STK32C: variants seen among roughly 807,000 people sequenced by gnomAD.
STK32C encodes the protein serine/threonine-protein kinase 32C.
In STK32C, 31 loss-of-function variants were observed where a neutral mutation model predicts 56.5. The observed-to-expected ratio is 0.55, with a 90% CI of 0.41 to 0.74. The LOEUF (loss-of-function observed/expected upper bound fraction) is 0.74, where lower values mean the gene tolerates loss of function less well. STK32C is among the 30% of genes least tolerant of loss of function. STK32C has a pLI of 0.00. For synonymous variants in STK32C, 309 were observed against 289.4 expected (o/e 1.07, Z -0.69); for missense variants, 544 against 676.9 (o/e 0.80, Z 2.18).
intron 1 of STK32C, among the ~76,000 whole-genome samples, chr10:132,268,299 GTC>G (rs57944395): frequency 0.51 from 63,311 of 124,334 alleles, 17,909 homozygotes; most frequent in African/African-American, 0.68. Context: ...GTGCATGCAT[GTC>G]TCTCACATTG....
At chr10:132,241,127 A>G (rs1048853515) in intron 2 of STK32C, among the ~76,000 whole-genome samples, 1 of 152,318 alleles carries the variant, frequency 6.6e-6, no homozygotes, top group South Asian at 2.1e-4. Context: ...TCCCAGGAGC[A>G]CCAGCCACAG....
At chr10:132,234,873 G>A (rs1302052737) in intron 2 of STK32C, among the ~76,000 whole-genome samples, 2 of 152,230 alleles carry the variant, frequency 1.3e-5, no homozygotes, top group Admixed American at 6.5e-5. Context: ...TATGCCCACC[G>A]GGGCAGGTGG....
upstream of STK32C, among the ~76,000 whole-genome samples, chr10:132,310,906 G>A (rs1247467810): frequency 6.6e-6 from 1 of 152,160 alleles, no homozygotes; most frequent in Non-Finnish European, 1.5e-5. The surrounding 1 kb of genome is among the most constrained non-coding windows in gnomAD (Gnocchi z 4.6). Context: ...AGGTGTCCGG[G>A]TTCCAACAGC....
chr10:132,249,267 C>T (rs1278222376), intron 1 of STK32C, among the ~76,000 whole-genome samples: 1 of 152,066 alleles, frequency 6.6e-6, no homozygotes, highest in Non-Finnish European at 1.5e-5. Context: ...GGGCATGCGG[C>T]CCCCACTCTG....
At chr10:132,302,235 G>A (rs78143171) in intron 1 of STK32C, among the ~76,000 whole-genome samples, 4 of 152,324 alleles carry the variant, frequency 2.6e-5, no homozygotes, top group South Asian at 4.1e-4. Flanking sequence ...AGGCATCCTC[G>A]CATTACTTCT....
At chr10:132,254,206 G>A (rs1201973167) in intron 1 of STK32C, among the ~76,000 whole-genome samples, 1 of 152,078 alleles carries the variant, frequency 6.6e-6, no homozygotes, top group African/African-American at 2.4e-5. Flanking sequence ...CTACTCAGGA[G>A]GCTGAGGCAG....
chr10:132,223,181 T>C (rs953205688), intron 8 of STK32C, among the ~76,000 whole-genome samples, 195 bp from the exon 9 acceptor site: 3 of 152,350 alleles, frequency 2.0e-5, no homozygotes, highest in Non-Finnish European at 4.4e-5. Context: ...TGGCTCAGCA[T>C]GTGGCCCAAG....
At chr10:132,301,968 G>A (rs935831667) in intron 1 of STK32C, among the ~76,000 whole-genome samples, 2 of 152,182 alleles carry the variant, frequency 1.3e-5, no homozygotes, top group African/African-American at 4.8e-5. Context: ...AAGTATGTCC[G>A]CGGGCCAGCA....
chr10:132,282,371 AG>A lies in STK32C; in HGVS notation c.262+25200del, dbSNP rs571022650. Among the ~76,000 whole-genome samples the A allele has an allele frequency of 9.2e-5, 14 of 152,324 alleles. No individual in the cohort carries two copies. The South Asian group carries it at 2.3e-3, about 25-fold the overall frequency. ...AGACAGCTCCTGGGTGGTTTCCTGC[AG>A]TTTTCTGGTGGCTGATGAAGAGGGC... On this transcript the variant is annotated intron_variant, in intron 1 of 11. Transcript: ENST00000298630.
At chr10:132,268,877 G>A (rs1423062912) in intron 1 of STK32C, among the ~76,000 whole-genome samples, 11 of 149,382 alleles carry the variant, frequency 7.4e-5, no homozygotes, top group East Asian at 2.0e-4. Context: ...GTCCCACATC[G>A]TGTGTATGTG....
chr10:132,215,775 C>T (rs1048123984), intron 10 of STK32C, among the ~76,000 whole-genome samples: 4 of 152,172 alleles, frequency 2.6e-5, no homozygotes, highest in Non-Finnish European at 4.4e-5. Context: ...TAGGCAGAGG[C>T]TGGAACCATC....
chr10:132,225,826 CCT>C (rs767752738), intron 4 of STK32C, 42 bp from the exon 5 acceptor site: 9 of 1,612,394 alleles, frequency 5.6e-6, no homozygotes, highest in Non-Finnish European at 6.8e-6. Context: ...GGGAATCTGC[CCT>C]GTTTCTGCCC....
chr10:132,209,860 A>T (rs2062234460), intron 10 of STK32C, among the ~76,000 whole-genome samples: 1 of 152,150 alleles, frequency 6.6e-6, no homozygotes, highest in African/African-American at 2.4e-5. Flanking sequence ...GGGTGGCATT[A>T]AAAGGGCCCC....
At chr10:132,223,668 C>G (rs1361519699) in intron 8 of STK32C, among the ~76,000 whole-genome samples, 2 of 152,190 alleles carry the variant, frequency 1.3e-5, no homozygotes. Context: ...AAGGCCTCCC[C>G]AAGGATTTAG....
chr10:132,282,408 G>A (rs950722668), intron 1 of STK32C, among the ~76,000 whole-genome samples: 16 of 152,174 alleles, frequency 1.1e-4, no homozygotes, highest in Admixed American at 4.6e-4. Flanking sequence ...AGTGCCAGGC[G>A]TCAGCTACCC....
chr10:132,317,969 A>G (rs2138448757), intron 1 of STK32C, among the ~76,000 whole-genome samples: 1 of 145,050 alleles, frequency 6.9e-6, no homozygotes, highest in Non-Finnish European at 1.5e-5. Context: ...CTCTGTCTCA[A>G]AAAAAAAAAA....
chr10:132,209,767 C>T (rs946863258), intron 10 of STK32C, among the ~76,000 whole-genome samples: 33 of 152,278 alleles, frequency 2.2e-4, no homozygotes, highest in African/African-American at 7.5e-4. Context: ...TGGATGGTGA[C>T]GTTGGTCACT....
At chr10:132,243,826 A>T (rs375649959) in intron 2 of STK32C, among the ~76,000 whole-genome samples, 1 of 152,140 alleles carries the variant, frequency 6.6e-6, no homozygotes, top group Non-Finnish European at 1.5e-5. Context: ...GCCGCCCTGA[A>T]CGGGTGGGCT....
chr10:132,263,863 C>T (rs1230482634), intron 1 of STK32C, among the ~76,000 whole-genome samples: 2 of 80,328 alleles, frequency 2.5e-5, no homozygotes, highest in Non-Finnish European at 6.7e-5. Context: ...GAGACTCCAT[C>T]TCAAAAAAAA....
Sources: allele counts gnomAD v4.1 joint callset (sites outside exome capture counted in the v4.1 genomes callset), GRCh38; gene constraint gnomAD v4.1.1; non-coding constraint Gnocchi (gnomAD v3.1); transcripts MANE v1.5; gene names NCBI Gene and HGNC (gene_info 2026-07-23, HGNC 2026-07-21).